The following SOX6 variants were observed in gnomAD, a reference collection of about 807,000 sequenced individuals.
The protein encoded by SOX6 is transcription factor SOX-6.
A neutral mutation model predicts 97.8 loss-of-function variants in SOX6; 11 were observed. The observed-to-expected ratio is 0.11, with a 90% CI of 0.07 to 0.19. SOX6 has a LOEUF of 0.19. Among genes scored for constraint, SOX6 ranks in the 10% least tolerant of loss-of-function variants. SOX6 has a pLI of 1.00. For synonymous variants in SOX6, 360 were observed against 371.4 expected, an observed-to-expected ratio of 0.97 and a Z score of 0.35; for missense variants, 810 against 1,039.5, an observed-to-expected ratio of 0.78 and a Z score of 3.04.
chr11:16,300,370 G>C lies in SOX6; in HGVS notation c.445+18076C>G, dbSNP rs1466122197. Among the ~76,000 whole-genome samples the C allele has an allele frequency of 6.6e-6, 1 of 152,072 alleles. No individual in the cohort carries two copies. Among genetic ancestry groups the C allele is most frequent in the African/African-American group, 2.4e-5 (1 of 41,398 alleles). ...GTTGTCTTCCTAAAATGCATACCTA[G>C]CATTTTTATTATGTATTATAACATT... On this transcript the variant is annotated intron_variant, in intron 3 of 15. Coordinates refer to ENST00000683767, the MANE Select transcript of SOX6 (RefSeq NM_001367873.1). The surrounding 1 kb of genome is among the most constrained non-coding windows in gnomAD (Gnocchi z 4.1).
At chr11:16,389,863 G>A (rs977522203) in intron 1 of SOX6, among the ~76,000 whole-genome samples, 4 of 150,838 alleles carry the variant, frequency 2.7e-5, no homozygotes, top group East Asian at 2.0e-4. Flanking sequence ...CCAGCTGTTC[G>A]GGAGGCTGAG....
intron 3 of SOX6, among the ~76,000 whole-genome samples, chr11:16,256,268 G>C (rs2134206776): frequency 6.6e-6 from 1 of 151,934 alleles, no homozygotes; most frequent in Middle Eastern, 3.4e-3. Context: ...CCATACATCA[G>C]TAACTCTCAT....
chr11:16,409,292 A>G (rs2133053736), intron 1 of SOX6, among the ~76,000 whole-genome samples: 1 of 150,360 alleles, frequency 6.7e-6, no homozygotes, highest in East Asian at 1.9e-4. Flanking sequence ...CCCCCTCCAA[A>G]AAAAAAAAAA....
chr11:16,163,090 A>G (rs1850795616), intron 6 of SOX6, among the ~76,000 whole-genome samples: 1 of 152,176 alleles, frequency 6.6e-6, no homozygotes, highest in African/African-American at 2.4e-5. Context: ...TAAAAGGATC[A>G]GATAAGAGTA....
chr11:16,131,333 CA>C (rs1302095847), intron 6 of SOX6, among the ~76,000 whole-genome samples: 2 of 151,706 alleles, frequency 1.3e-5, no homozygotes, highest in Admixed American at 1.3e-4. Context: ...TATGAGTGGC[CA>C]ATAAGTATAT....
chr11:16,121,819 T>A (rs1037335646), intron 6 of SOX6, among the ~76,000 whole-genome samples: 7 of 151,994 alleles, frequency 4.6e-5, no homozygotes, highest in African/African-American at 1.7e-4. Flanking sequence ...ATCCTGGCCA[T>A]AAAGAAATTA....
chr11:16,048,729 A>G (rs1378972993), intron 11 of SOX6, among the ~76,000 whole-genome samples: 1 of 152,110 alleles, frequency 6.6e-6, no homozygotes, highest in Non-Finnish European at 1.5e-5. Flanking sequence ...AGACTTCAGG[A>G]CTCAATAATA....
At chr11:16,391,666 A>G (rs763362942) in intron 1 of SOX6, among the ~76,000 whole-genome samples, 2 of 151,818 alleles carry the variant, frequency 1.3e-5, no homozygotes, top group South Asian at 2.1e-4. Flanking sequence ...ACATTCAGTA[A>G]GCAATACAAA....
chr11:16,535,727 A>G (rs1861299278), intron 4 of SOX6, among the ~76,000 whole-genome samples: 1 of 152,174 alleles, frequency 6.6e-6, no homozygotes, highest in South Asian at 2.1e-4. Flanking sequence ...TAAATTAATA[A>G]TTTTTATTTT....
chr11:16,413,038 G>T (rs933280077), intron 1 of SOX6, among the ~76,000 whole-genome samples: 1 of 152,220 alleles, frequency 6.6e-6, no homozygotes, highest in African/African-American at 2.4e-5. Flanking sequence ...AACAAATGCT[G>T]CATAGTGAAA....
chr11:16,652,308 A>G (rs1463069020), intron 3 of SOX6, among the ~76,000 whole-genome samples: 1 of 152,210 alleles, frequency 6.6e-6, no homozygotes, highest in Non-Finnish European at 1.5e-5. Flanking sequence ...AGCCAAAGTA[A>G]TACTAAGCAA....
At chr11:16,095,916 A>T in intron 9 of SOX6, 80 bp downstream of exon 9, 26 of 502,334 alleles carry the variant, frequency 5.2e-5, no homozygotes, top group Middle Eastern at 5.0e-4. Context: ...TGCCACTTTA[A>T]AAAAAAAAAA....
At chr11:16,685,042 C>T (rs1847958802) in intron 3 of SOX6, among the ~76,000 whole-genome samples, 1 of 152,042 alleles carries the variant, frequency 6.6e-6, no homozygotes, top group Non-Finnish European at 1.5e-5. Context: ...AGGACAGCAC[C>T]AAGCCATGAG....
At chr11:16,453,058 T>A (rs1331441879) in intron 1 of SOX6, among the ~76,000 whole-genome samples, 1 of 152,176 alleles carries the variant, frequency 6.6e-6, no homozygotes, top group African/African-American at 2.4e-5. Flanking sequence ...ACAGGACAGG[T>A]GATGACATCC....
chr11:16,415,643 T>A (rs1590194752), intron 1 of SOX6, among the ~76,000 whole-genome samples: 1 of 152,202 alleles, frequency 6.6e-6, no homozygotes, highest in Admixed American at 6.5e-5. Flanking sequence ...ACATATTGTA[T>A]ACCGATATTG....
chr11:16,431,768 A>G (rs1859276822), intron 1 of SOX6, among the ~76,000 whole-genome samples: 1 of 152,116 alleles, frequency 6.6e-6, no homozygotes, highest in African/African-American at 2.4e-5. Context: ...CAGATTTCAT[A>G]TCAAGTATTT....
At chr11:16,436,424 G>A (rs1032082713) in intron 1 of SOX6, among the ~76,000 whole-genome samples, 3 of 150,276 alleles carry the variant, frequency 2.0e-5, no homozygotes, top group Admixed American at 6.6e-5. Flanking sequence ...CTCTTCCCTC[G>A]CTCTCTGTCT....
chr11:16,501,162 T>G (rs563257364), intron 4 of SOX6, among the ~76,000 whole-genome samples: 15 of 152,174 alleles, frequency 9.9e-5, no homozygotes, highest in Non-Finnish European at 1.8e-4. Flanking sequence ...GCCACATATC[T>G]ACAACTATCT....
intron 9 of SOX6, among the ~76,000 whole-genome samples, chr11:16,083,105 T>C (rs1209490780): frequency 1.3e-5 from 2 of 152,220 alleles, no homozygotes; most frequent in Non-Finnish European, 2.9e-5. Context: ...ACCTTATCCA[T>C]GAAGATTGCC....
Sources: gnomAD v4.1 joint callset for allele counts (sites outside exome capture counted in the v4.1 genomes callset) on GRCh38, gnomAD v4.1.1 for gene constraint, Gnocchi (gnomAD v3.1) non-coding constraint, MANE v1.5 for transcripts, NCBI Gene and HGNC (gene_info 2026-07-23, HGNC 2026-07-21) for gene names.